RPS6KC1: variants seen among roughly 807,000 people sequenced by gnomAD.
RPS6KC1 encodes the protein inactive ribosomal protein S6 kinase delta-1.
A neutral mutation model predicts 103.8 loss-of-function variants in RPS6KC1; 54 were observed. The observed-to-expected ratio is 0.52, with a 90% CI of 0.42 to 0.65. The LOEUF (loss-of-function observed/expected upper bound fraction) is 0.65. Ranked by LOEUF, RPS6KC1 falls within the 30% of genes least tolerant of loss-of-function variation. RPS6KC1 has a pLI of 0.00. For synonymous variants in RPS6KC1, 439 were observed against 438.7 expected (o/e 1.00, Z -0.01); for missense variants, 1,151 against 1,253.8 (o/e 0.92, Z 1.24).
At chr1:213,569,278 C>T in the RPS6KC1 span, among the ~76,000 whole-genome samples, 31 of 152,296 alleles carry the variant, frequency 2.0e-4, no homozygotes, top group East Asian at 5.0e-3. Context: ...CATGTTTCCG[C>T]TTGCTCATTT....
chr1:213,800,193 C>T, the RPS6KC1 span, among the ~76,000 whole-genome samples: 1 of 152,138 alleles, frequency 6.6e-6, no homozygotes, highest in Non-Finnish European at 1.5e-5. Flanking sequence ...TTTAGTCCAT[C>T]ACAACAGGAC....
At chr1:213,389,402 G>A in the RPS6KC1 span, among the ~76,000 whole-genome samples, 1 of 152,218 alleles carries the variant, frequency 6.6e-6, no homozygotes, top group Non-Finnish European at 1.5e-5. Context: ...GGCAGCGCGG[G>A]CAGGCCAGCC....
chr1:213,334,012 G>A, the RPS6KC1 span, among the ~76,000 whole-genome samples: 4 of 152,140 alleles, frequency 2.6e-5, no homozygotes, highest in Non-Finnish European at 5.9e-5. Flanking sequence ...AACTAGAAGA[G>A]GCACTCAGTG....
the RPS6KC1 span, among the ~76,000 whole-genome samples, chr1:213,751,030 T>C: frequency 6.6e-6 from 1 of 152,122 alleles, no homozygotes; most frequent in East Asian, 1.9e-4. Flanking sequence ...TCACAGTCAC[T>C]CTTTGTTCTT....
the RPS6KC1 span, among the ~76,000 whole-genome samples, chr1:213,516,393 A>T: frequency 5.9e-5 from 9 of 152,134 alleles, no homozygotes; most frequent in Non-Finnish European, 8.8e-5. Flanking sequence ...TATTATTTTG[A>T]GATACGTCCC....
At chr1:213,123,728 C>T (rs756775793) in intron 5 of RPS6KC1, among the ~76,000 whole-genome samples, 2 of 152,068 alleles carry the variant, frequency 1.3e-5, no homozygotes, top group African/African-American at 4.8e-5. Context: ...TTGTGCATGG[C>T]GCATGAGTCA....
At chr1:213,126,977 G>A (rs2085060880) in intron 5 of RPS6KC1, among the ~76,000 whole-genome samples, 1 of 152,080 alleles carries the variant, frequency 6.6e-6, no homozygotes, top group Non-Finnish European at 1.5e-5. Flanking sequence ...TAATCCTGAG[G>A]ATATCATTTT....
At chr1:213,270,816 G>A (rs1464478290) in intron 14 of RPS6KC1, among the ~76,000 whole-genome samples, 1 of 152,092 alleles carries the variant, frequency 6.6e-6, no homozygotes, top group East Asian at 1.9e-4. Flanking sequence ...TATTTGAATG[G>A]CTAACGAGCA....
chr1:213,526,904 CT>C, the RPS6KC1 span, among the ~76,000 whole-genome samples: 1 of 152,118 alleles, frequency 6.6e-6, no homozygotes. Flanking sequence ...TAAAATATTT[CT>C]TTAATTTAGA....
At chr1:213,052,517 G>C (rs920659529) in intron 1 of RPS6KC1, among the ~76,000 whole-genome samples, 1 of 152,114 alleles carries the variant, frequency 6.6e-6, no homozygotes, top group Non-Finnish European at 1.5e-5. Context: ...TATACATTTG[G>C]AGGATGTAAA....
the RPS6KC1 span, among the ~76,000 whole-genome samples, chr1:213,617,292 T>A: frequency 6.6e-6 from 1 of 152,288 alleles, no homozygotes. Flanking sequence ...CAGGTCCCAC[T>A]GCCAGGCACC....
intron 14 of RPS6KC1, among the ~76,000 whole-genome samples, chr1:213,271,932 A>T (rs1053507488): frequency 9.2e-5 from 14 of 151,672 alleles, no homozygotes; most frequent in Admixed American, 3.9e-4. Context: ...AAACCACAAA[A>T]TTTTTTTTTA....
chr1:213,755,927 T>A, the RPS6KC1 span, among the ~76,000 whole-genome samples: 1 of 152,182 alleles, frequency 6.6e-6, no homozygotes, highest in Non-Finnish European at 1.5e-5. Context: ...AGAGGCACCT[T>A]ATTTACCATC....
the RPS6KC1 span, among the ~76,000 whole-genome samples, chr1:213,713,561 T>A: frequency 6.6e-6 from 1 of 152,220 alleles, no homozygotes; most frequent in South Asian, 2.1e-4. Context: ...TATCTTTTCA[T>A]AAGTTGCATT....
At chr1:213,796,147 G>A in the RPS6KC1 span, among the ~76,000 whole-genome samples, 1 of 152,222 alleles carries the variant, frequency 6.6e-6, no homozygotes, top group Non-Finnish European at 1.5e-5. Flanking sequence ...GGGATGGGAT[G>A]CGTTTCAGTA....
At chr1:213,137,777 C>CTCTCTCTCTATATA (rs1387641875) in intron 6 of RPS6KC1, among the ~76,000 whole-genome samples, 3 of 63,594 alleles carry the variant, frequency 4.7e-5, no homozygotes, top group African/African-American at 3.2e-4. Context: ...CTCTCTCTCT[C>CTCTCTCTCTATATA]TATATATATA....
the RPS6KC1 span, among the ~76,000 whole-genome samples, chr1:213,598,209 G>A: frequency 6.6e-6 from 1 of 152,204 alleles, no homozygotes; most frequent in Non-Finnish European, 1.5e-5. Flanking sequence ...TTTTCTAGAA[G>A]TGGTAAGAGA....
the RPS6KC1 span, among the ~76,000 whole-genome samples, chr1:213,507,688 A>C: frequency 1.3e-5 from 2 of 152,080 alleles, no homozygotes; most frequent in Admixed American, 1.3e-4. Context: ...TGTTTTGATC[A>C]AACACATTGC....
chr1:213,780,238 G>A, the RPS6KC1 span, among the ~76,000 whole-genome samples: 1 of 152,302 alleles, frequency 6.6e-6, no homozygotes, highest in African/African-American at 2.4e-5. Flanking sequence ...CCTGAGGCTT[G>A]ACCCCCGGGT....
Sources: gnomAD v4.1 joint callset for allele counts (sites outside exome capture counted in the v4.1 genomes callset) on GRCh38, gnomAD v4.1.1 for gene constraint, MANE v1.5 for transcripts, NCBI Gene and HGNC (gene_info 2026-07-23, HGNC 2026-07-21) for gene names.